The following TENM3 variants were observed in gnomAD, a reference collection of about 807,000 sequenced individuals.
The protein encoded by TENM3 is teneurin-3.
TENM3 carries 63 observed loss-of-function variants against 255.1 expected under a neutral mutation model. The ratio of observed to expected loss-of-function variants is 0.25; its 90% confidence interval spans 0.20 to 0.30. TENM3 has a LOEUF of 0.30. Ranked by LOEUF, TENM3 falls within the 10% of genes least tolerant of loss-of-function variation. TENM3 has a pLI of 1.00. For synonymous variants in TENM3, 1,306 were observed against 1,322.3 expected (o/e 0.99, Z 0.27); for missense variants, 2,929 against 3,461.1 (o/e 0.85, Z 3.86).
rs1766727169 is a variant in TENM3 at position 182,799,334 on chromosome 4, T to G, written c.7345-262T>G. ...AAGAGAAAAGCAAGAAACAGGACTA[T>G]TTTTCCCATGTTAGAAACGAAGAAA... On this transcript the variant is annotated intron_variant, in intron 27 of 27. Transcript: ENST00000511685. This position sits in a 1 kb window ranked among gnomAD's most constrained non-coding sequence, Gnocchi z 4.2. Among the ~76,000 whole-genome samples, 1 of 152,204 alleles carries G rather than the reference T, an allele frequency of 6.6e-6. No homozygotes were observed.
the TENM3 span, among the ~76,000 whole-genome samples, chr4:182,098,271 A>G: frequency 3.9e-5 from 6 of 152,200 alleles, no homozygotes; most frequent in African/African-American, 1.4e-4. Context: ...GAAGAACAGG[A>G]TGGAGGTTCC....
the TENM3 span, among the ~76,000 whole-genome samples, chr4:181,944,610 C>T: frequency 6.6e-6 from 1 of 151,790 alleles, no homozygotes; most frequent in Non-Finnish European, 1.5e-5. Context: ...TCGTTCTGCC[C>T]TCTGACTAAA....
the TENM3 span, among the ~76,000 whole-genome samples, chr4:181,980,822 G>T: frequency 1.3e-5 from 2 of 149,780 alleles, no homozygotes; most frequent in African/African-American, 5.1e-5. Flanking sequence ...CTCATCTTTT[G>T]CAAAATTCTG....
chr4:182,274,857 T>C (rs1251080645), intron 1 of TENM3, among the ~76,000 whole-genome samples: 1 of 152,174 alleles, frequency 6.6e-6, no homozygotes, highest in African/African-American at 2.4e-5. Flanking sequence ...GGAGTCTTGC[T>C]CTGTCGCCCA....
chr4:181,879,741 G>A, the TENM3 span, among the ~76,000 whole-genome samples: 1 of 152,140 alleles, frequency 6.6e-6, no homozygotes, highest in Non-Finnish European at 1.5e-5. Context: ...TGTGACTCCT[G>A]TGATACTTAG....
At chr4:181,901,802 G>A in the TENM3 span, among the ~76,000 whole-genome samples, 15 of 151,992 alleles carry the variant, frequency 9.9e-5, no homozygotes, top group Admixed American at 4.6e-4. Context: ...CAAAAATACC[G>A]GGTATGTCAG....
chr4:181,855,381 A>T, the TENM3 span, among the ~76,000 whole-genome samples: 2 of 152,218 alleles, frequency 1.3e-5, no homozygotes, highest in Non-Finnish European at 2.9e-5. Flanking sequence ...ACTTCTCTAA[A>T]CTTATATAAC....
intron 3 of TENM3, among the ~76,000 whole-genome samples, chr4:182,585,672 T>G (rs776797184): frequency 1.3e-5 from 2 of 152,210 alleles, no homozygotes; most frequent in Non-Finnish European, 2.9e-5. Context: ...AGCCACCCAG[T>G]CTATGGCATT....
intron 1 of TENM3, among the ~76,000 whole-genome samples, chr4:182,248,212 TAACA>T (rs1757778192): frequency 6.6e-6 from 1 of 152,182 alleles, no homozygotes. Context: ...CATACCTGTG[TAACA>T]AACCTGCACG....
intron 22 of TENM3, among the ~76,000 whole-genome samples, chr4:182,765,128 T>G (rs1475400185): frequency 8.2e-6 from 1 of 121,932 alleles, no homozygotes; most frequent in Non-Finnish European, 1.7e-5. Flanking sequence ...CAGTCTAGCA[T>G]GTGATTAAAA....
At chr4:182,714,276 A>C (rs752087079) in intron 13 of TENM3, 43 bp downstream of exon 13, 2 of 1,360,738 alleles carry the variant, frequency 1.5e-6, no homozygotes, top group South Asian at 2.6e-5. Context: ...GCCAGAGCAC[A>C]GGTTCGTAAG....
the TENM3 span, among the ~76,000 whole-genome samples, chr4:181,610,998 T>C: frequency 6.6e-6 from 1 of 152,206 alleles, no homozygotes; most frequent in East Asian, 1.9e-4. Context: ...CTCAAGTTTG[T>C]TAGTTCCAAT....
chr4:181,509,495 G>A, the TENM3 span, among the ~76,000 whole-genome samples: 3 of 151,878 alleles, frequency 2.0e-5, no homozygotes, highest in East Asian at 1.9e-4. Context: ...TGTCCCCTGC[G>A]AGAAAGCTTT....
the TENM3 span, among the ~76,000 whole-genome samples, chr4:181,641,545 G>GGT: frequency 1.0e-3 from 25 of 23,946 alleles, no homozygotes; most frequent in South Asian, 7.1e-3. Context: ...AGTATTCCAT[G>GGT]GTGTGTGTGT....
chr4:182,167,423 G>A (rs1173052756), intron 1 of TENM3, among the ~76,000 whole-genome samples: 1 of 152,108 alleles, frequency 6.6e-6, no homozygotes, highest in African/African-American at 2.4e-5. Context: ...CATATGAAAT[G>A]CCTTGCTTTA....
At chr4:181,786,399 G>C in the TENM3 span, among the ~76,000 whole-genome samples, 1 of 152,286 alleles carries the variant, frequency 6.6e-6, no homozygotes, top group Admixed American at 6.5e-5. Flanking sequence ...TCAGAGGGGG[G>C]CCAGATGGTT....
At chr4:181,675,039 A>G in the TENM3 span, among the ~76,000 whole-genome samples, 61,458 of 151,888 alleles carry the variant, frequency 0.4, 12,531 homozygotes, top group Non-Finnish European at 0.43. Context: ...ATAATGACTT[A>G]TAATTTTTAA....
the TENM3 span, among the ~76,000 whole-genome samples, chr4:181,792,183 G>C: frequency 6.6e-6 from 1 of 152,144 alleles, no homozygotes; most frequent in African/African-American, 2.4e-5. Context: ...ACAATACAGC[G>C]TGATTTTTCT....
the TENM3 span, among the ~76,000 whole-genome samples, chr4:181,846,332 C>A: frequency 6.6e-6 from 1 of 151,966 alleles, no homozygotes; most frequent in Admixed American, 6.6e-5. Flanking sequence ...AGCTTCTCTT[C>A]AGGACTGAAG....
Sources: gnomAD v4.1 joint callset for allele counts (sites outside exome capture counted in the v4.1 genomes callset) on GRCh38, gnomAD v4.1.1 for gene constraint, Gnocchi (gnomAD v3.1) non-coding constraint, MANE v1.5 for transcripts, NCBI Gene and HGNC (gene_info 2026-07-23, HGNC 2026-07-21) for gene names.